SPATA31H1: variants seen among roughly 807,000 people sequenced by gnomAD.
The protein encoded by SPATA31H1 is spermatogenesis-associated protein 31H1.
chr2:27,580,780 G>C, the SPATA31H1 span: 2 of 1,614,214 alleles, frequency 1.2e-6, no homozygotes, highest in Non-Finnish European at 1.7e-6. Flanking sequence ...TGCTTACCAA[G>C]CAGTATCAAA....
At chr2:27,551,758 G>A in the SPATA31H1 span, among the ~76,000 whole-genome samples, 7 of 151,976 alleles carry the variant, frequency 4.6e-5, no homozygotes, top group African/African-American at 1.7e-4. Flanking sequence ...CAGCTTTAAG[G>A]TGTACTAATT....
the SPATA31H1 span, chr2:27,582,224 C>T: frequency 6.2e-7 from 1 of 1,613,602 alleles, no homozygotes; most frequent in Non-Finnish European, 8.5e-7. Flanking sequence ...CTGAGAGAAG[C>T]CATCGCAGTC....
chr2:27,575,523 G>C, the SPATA31H1 span: 1 of 398,516 alleles, frequency 2.5e-6, no homozygotes, highest in Non-Finnish European at 4.4e-6. The surrounding 1 kb of genome is among the most constrained non-coding windows in gnomAD (Gnocchi z 4.1). Flanking sequence ...TTTCAACCCT[G>C]GACCACAGTT....
At chr2:27,542,311 C>A in the SPATA31H1 span, among the ~76,000 whole-genome samples, 17 of 151,832 alleles carry the variant, frequency 1.1e-4, no homozygotes, top group East Asian at 3.3e-3. Context: ...GCAGGAGAAT[C>A]GCTTGAACCT....
chr2:27,579,243 A>T, the SPATA31H1 span: 1 of 1,614,224 alleles, frequency 6.2e-7, no homozygotes, highest in East Asian at 2.2e-5. Flanking sequence ...ATATCTCTCC[A>T]CTATGCTAAT....
the SPATA31H1 span, chr2:27,575,917 A>G: frequency 1.0e-5 from 4 of 398,612 alleles, no homozygotes; most frequent in East Asian, 1.1e-4. The surrounding 1 kb of genome is among the most constrained non-coding windows in gnomAD (Gnocchi z 4.1). Context: ...CAAGGTATGA[A>G]GTGTTCTGAA....
the SPATA31H1 span, among the ~76,000 whole-genome samples, chr2:27,562,253 G>A: frequency 1.3e-5 from 2 of 151,802 alleles, no homozygotes; most frequent in African/African-American, 4.8e-5. Flanking sequence ...TAATTTTAGA[G>A]CATTTAACAA....
the SPATA31H1 span, among the ~76,000 whole-genome samples, chr2:27,546,485 G>T: frequency 6.6e-6 from 1 of 152,000 alleles, no homozygotes; most frequent in African/African-American, 2.4e-5. Flanking sequence ...AACACAAAAT[G>T]TAAGGAACAC....
the SPATA31H1 span, among the ~76,000 whole-genome samples, chr2:27,540,047 G>A: frequency 8.4e-6 from 1 of 119,324 alleles, no homozygotes; most frequent in African/African-American, 3.2e-5. Flanking sequence ...CGGACGGGGC[G>A]GCTGGCCGGG....
the SPATA31H1 span, among the ~76,000 whole-genome samples, chr2:27,548,961 C>T: frequency 6.6e-6 from 1 of 150,546 alleles, no homozygotes; most frequent in Non-Finnish European, 1.5e-5. Flanking sequence ...GTAATCCCAG[C>T]TACTGGGGAG....
chr2:27,537,551 C>T, the SPATA31H1 span: 5 of 717,256 alleles, frequency 7.0e-6, no homozygotes. Flanking sequence ...AAGCAGGTGG[C>T]AGCCAAGATA....
the SPATA31H1 span, among the ~76,000 whole-genome samples, chr2:27,544,464 T>C: frequency 3.3e-5 from 5 of 151,928 alleles, no homozygotes; most frequent in African/African-American, 1.2e-4. Context: ...ATACAGCATA[T>C]ATTCTTGTGT....
the SPATA31H1 span, chr2:27,537,716 T>C: frequency 3.3e-6 from 2 of 612,432 alleles, no homozygotes; most frequent in South Asian, 4.0e-5. Flanking sequence ...TAGATCACTA[T>C]AAATCCTTTT....
At chr2:27,558,761 C>T in the SPATA31H1 span, among the ~76,000 whole-genome samples, 26 of 92,212 alleles carry the variant, frequency 2.8e-4, no homozygotes, top group African/African-American at 1.1e-3. Flanking sequence ...ACCAGTCAGG[C>T]GTGGCGGTGC....
At chr2:27,544,472 T>C in the SPATA31H1 span, among the ~76,000 whole-genome samples, 1 of 151,900 alleles carries the variant, frequency 6.6e-6, no homozygotes, top group African/African-American at 2.4e-5. Flanking sequence ...TATATTCTTG[T>C]GTGTCTGACT....
chr2:27,547,424 C>T, the SPATA31H1 span, among the ~76,000 whole-genome samples: 1 of 152,000 alleles, frequency 6.6e-6, no homozygotes, highest in Admixed American at 6.5e-5. Context: ...ATCTGCTCAC[C>T]TTGGCCTCCC....
chr2:27,561,276 G>T, the SPATA31H1 span, among the ~76,000 whole-genome samples: 3 of 152,168 alleles, frequency 2.0e-5, no homozygotes, highest in Admixed American at 2.0e-4. Context: ...AGGTTGCCAT[G>T]AACTTTGAGC....
chr2:27,550,094 C>A, the SPATA31H1 span, among the ~76,000 whole-genome samples: 1 of 152,016 alleles, frequency 6.6e-6, no homozygotes, highest in Non-Finnish European at 1.5e-5. Context: ...ATATTCTACA[C>A]AACTATATTG....
At chr2:27,571,640 G>A in the SPATA31H1 span, 7 of 398,360 alleles carry the variant, frequency 1.8e-5, no homozygotes, top group Middle Eastern at 6.2e-4. Context: ...CTATGGAGAC[G>A]CTTCAAAGGC....
Sources: gnomAD v4.1 joint callset for allele counts (sites outside exome capture counted in the v4.1 genomes callset) on GRCh38, gnomAD v4.1.1 for gene constraint, Gnocchi (gnomAD v3.1) non-coding constraint, MANE v1.5 for transcripts, NCBI Gene and HGNC (gene_info 2026-07-23, HGNC 2026-07-21) for gene names.